GPC1: variants seen among roughly 807,000 people sequenced by gnomAD.
GPC1 encodes glypican 1.
GPC1 carries 26 observed loss-of-function variants against 51.5 expected under a neutral mutation model. That is an observed-to-expected ratio of 0.50 (90% CI 0.37 to 0.70). The LOEUF (loss-of-function observed/expected upper bound fraction) is 0.70, where lower values mean the gene tolerates loss of function less well. Ranked by LOEUF, GPC1 falls within the 30% of genes least tolerant of loss-of-function variation. The pLI is 0.00. For missense variants in GPC1, 775 were observed against 800.5 expected, an observed-to-expected ratio of 0.97 and a Z score of 0.38; for synonymous variants, 380 against 348.3, an observed-to-expected ratio of 1.09 and a Z score of -1.01.
Position 240,465,650 on chromosome 2 carries a change from T to G in GPC1, c.1444+2T>G. On this transcript the variant is annotated splice_donor_variant, in intron 8 of 8. Transcript: ENST00000264039. LOFTEE classifies it high-confidence loss of function. ...ACGACGTGGACTTCCAGGACGCCAG[T>G]GAGGGCAGGGCCTGGCCGGGCGGCC... 1 of 1,612,372 alleles carries G rather than the reference T, an allele frequency of 6.2e-7. No homozygotes were observed. Among genetic ancestry groups the G allele is most frequent in the Non-Finnish European group, 8.5e-7 (1 of 1,179,674 alleles).
rs923946217 is a variant in GPC1 at position 240,467,159 on chromosome 2, C to G, written c.*869C>G. On this transcript the variant is annotated 3_prime_UTR_variant, in exon 9 of 9. Coordinates refer to ENST00000264039, the MANE Select transcript of GPC1 (RefSeq NM_002081.3). Reference sequence around the variant, plus strand: ...AGGAGCAGCCAGGACCCGCCTGCTCCCATCCTCACCCAGATCAGGAACCAG... The same window carrying G: ...AGGAGCAGCCAGGACCCGCCTGCTCGCATCCTCACCCAGATCAGGAACCAG... 1 of 152,400 alleles carries G rather than the reference C, an allele frequency of 6.6e-6. No individual in the cohort carries two copies. The highest frequency in any genetic ancestry group is 2.4e-5 in the African/African-American group (1 of 41,586). 9.4% of individuals were successfully genotyped at this position (152,400 alleles called of 1,614,324 possible). A position where few individuals can be genotyped will look rare whatever the true frequency, so the allele number is the denominator to read the frequency against.
chr2:240,440,124 G>T (rs1180014301), intron 1 of GPC1, among the ~76,000 whole-genome samples: 1 of 152,276 alleles, frequency 6.6e-6, no homozygotes. Flanking sequence ...TGTGCACCTC[G>T]TGGGCAGCCT....
intron 8 of GPC1, 122 bp downstream of exon 8, chr2:240,465,770 G>C (rs1054928826): frequency 1.2e-6 from 1 of 811,520 alleles, no homozygotes; most frequent in Non-Finnish European, 2.0e-6. Context: ...ACCACAGTGA[G>C]TCTGAGGACG....
intron 4 of GPC1, 197 bp from the exon 5 acceptor site, chr2:240,464,416 CGTG>C (rs1299206204): frequency 3.2e-6 from 2 of 616,270 alleles, no homozygotes; most frequent in African/African-American, 1.8e-5. Flanking sequence ...CAGGTGCACA[CGTG>C]GGTGTGGGCC....
Position 240,462,439 on chromosome 2 carries a change from C to T in GPC1, c.574C>T (p.Leu192=). The T allele has an allele frequency of 6.2e-7, 1 of 1,606,404 alleles. No individual in the cohort carries two copies. Among genetic ancestry groups the T allele is most frequent in the Non-Finnish European group, 8.5e-7 (1 of 1,177,128 alleles). Residue 192 remains leucine (L), a synonymous_variant, in exon 3 of 9, where the codon CTG becomes TTG. Coordinates refer to ENST00000264039, the MANE Select transcript of GPC1 (RefSeq NM_002081.3). Reference sequence around the variant, plus strand: ...GCTGCCTGATGACTACCTGGACTGCCTGGGCAAGCAGGCCGAGGCGCTGCG... The same window carrying T: ...GCTGCCTGATGACTACCTGGACTGCTTGGGCAAGCAGGCCGAGGCGCTGCG... ...LLLPDDYLDC[L]GKQAEALRPF...
rs891462701 is a variant in GPC1, at chr2:240,452,931, C to G, written c.167-6099C>G. On this transcript the variant is annotated intron_variant, in intron 1 of 8. Transcript: ENST00000264039. ...TTTCGCCTCCTGCGAGCCCTTCCGC[C>G]CGGCCCCGCTCCGCCGCCTTTCCCC... 2.0e-4 allele frequency: 61 copies of G among 311,640 alleles called. No individual in the cohort carries two copies. In the Admixed American group the frequency reaches 2.0e-3, roughly 10 times the overall value. The allele number at this position is 311,640 out of a possible 1,614,324, so 19.3% of individuals were successfully genotyped here. A position where few individuals can be genotyped will look rare whatever the true frequency, so the allele number is the denominator to read the frequency against.
At chr2:240,436,497 G>C (rs959078558) in intron 1 of GPC1, among the ~76,000 whole-genome samples, 11 of 152,120 alleles carry the variant, frequency 7.2e-5, no homozygotes, top group Non-Finnish European at 1.5e-4. Flanking sequence ...TCGGGGCGCT[G>C]TGGGGCTCGG....
intron 1 of GPC1, among the ~76,000 whole-genome samples, chr2:240,446,112 G>A (rs2074048692): frequency 6.6e-6 from 1 of 152,250 alleles, no homozygotes; most frequent in Admixed American, 6.5e-5. Context: ...AGTCGCCCTC[G>A]CAGCAGAGAA....
intron 1 of GPC1, among the ~76,000 whole-genome samples, chr2:240,447,236 T>C (rs1053798711): frequency 5.9e-5 from 9 of 152,232 alleles, no homozygotes; most frequent in African/African-American, 1.9e-4. Flanking sequence ...ATGACCCCCA[T>C]GTTCGTTCCT....
In GPC1 at chr2:240,463,360, C is replaced by T. The variant is rs757226932; in HGVS notation, c.731C>T (p.Pro244Leu). 1.1e-5 allele frequency: 17 copies of T among 1,612,592 alleles called. No individual in the cohort carries two copies. Among genetic ancestry groups the T allele is most frequent in the South Asian group, 7.7e-5 (7 of 91,088 alleles). ...CTTGCTCCCCAGGTCCCCCTGGGCC[C>T]GGAGTGCTCGAGAGCTGTCATGAAG... ...VRKVAQVPLGPECSRAVMKLV... is the reference protein window; with the variant it reads ...VRKVAQVPLGLECSRAVMKLV... The change falls in exon 4 of 9, where the codon CCG becomes CTG. Residue 244 changes from proline (P) to leucine (L), a missense_variant. Transcript: ENST00000264039.
intron 1 of GPC1, chr2:240,451,339 T>C (rs1036525273): frequency 2.2e-6 from 1 of 448,202 alleles, no homozygotes; most frequent in African/African-American, 2.0e-5. Context: ...CCCCTGTGGG[T>C]GTAGCAGACA....
Position 240,467,157 on chromosome 2 carries a change from T to G in GPC1, c.*867T>G, listed in dbSNP as rs939410577. The G allele has an allele frequency of 3.9e-5, 6 of 152,236 alleles. No homozygotes were observed. The highest frequency in any genetic ancestry group is 1.4e-4 in the African/African-American group (6 of 41,452). The allele number at this position is 152,236 out of a possible 1,614,324, so 9.4% of individuals were successfully genotyped here. On this transcript the variant is annotated 3_prime_UTR_variant, in exon 9 of 9. Coordinates refer to ENST00000264039, the MANE Select transcript of GPC1 (RefSeq NM_002081.3). ...TGAGGAGCAGCCAGGACCCGCCTGC[T>G]CCCATCCTCACCCAGATCAGGAACC...
At chr2:240,452,414 T>A (rs1228125169) in intron 1 of GPC1, 1 of 152,222 alleles carries the variant, frequency 6.6e-6, no homozygotes, top group Admixed American at 6.6e-5. Flanking sequence ...CAGCTTTGCG[T>A]GAGGACAGCG....
intron 1 of GPC1, chr2:240,451,393 C>T (rs763509039): frequency 2.5e-6 from 1 of 400,018 alleles, no homozygotes; most frequent in South Asian, 1.9e-5. Context: ...GTGCCTGTGG[C>T]CCCTGCAGTG....
chr2:240,462,165 C>T (rs754825495), intron 2 of GPC1, 26 bp from the exon 3 acceptor site: 29 of 1,533,088 alleles, frequency 1.9e-5, no homozygotes, highest in Middle Eastern at 2.1e-4. Context: ...AACATGGTCC[C>T]GATCACGCCC....
chr2:240,449,905 T>G (rs1191835155), intron 1 of GPC1: 1 of 470,688 alleles, frequency 2.1e-6, no homozygotes, highest in East Asian at 6.9e-5. Context: ...GGATTAATCC[T>G]ATTCCATTGT....
Position 240,468,002 on chromosome 2 carries a change from T to TC in GPC1, c.*1718dup, listed in dbSNP as rs531161963. 221 of 152,208 alleles carry TC rather than the reference T, an allele frequency of 1.5e-3. No homozygotes were observed. The highest frequency in any genetic ancestry group is 3.4e-3 in the Middle Eastern group (1 of 294). 9.4% of individuals were successfully genotyped at this position (152,208 alleles called of 1,614,324 possible). ...CCTGCTGTGTCCTTCCTCCACAAGGTCCCCCCACCGCTCAGTGTCAGCGGG... is the reference window on the plus strand; with the variant it reads ...CCTGCTGTGTCCTTCCTCCACAAGGTCCCCCCCACCGCTCAGTGTCAGCGGG... On this transcript the variant is annotated 3_prime_UTR_variant, in exon 9 of 9. Transcript: ENST00000264039.
rs1340608186 is a variant in GPC1 at position 240,462,192 on chromosome 2, C to G, written c.327C>G (p.Asp109Glu). Residue 109 changes from aspartate (D) to glutamate (E), a missense_variant and splice_region_variant, in exon 3 of 9, where the codon GAC (aspartate) becomes GAG (glutamate). By Grantham distance (45) the Asp-to-Glu change is conservative. Coordinates refer to ENST00000264039, the MANE Select transcript of GPC1 (RefSeq NM_002081.3). ...MLATQLRSFD[D>E]HFQHLLNDSE... ...ATCACGCCCCCTCCCTGTGCGCAGA[C>G]CACTTCCAGCACCTGCTGAACGACT... 5.7e-6 allele frequency: 9 copies of G among 1,587,842 alleles called. No individual in the cohort carries two copies. The highest frequency in any genetic ancestry group is 6.0e-6 in the Non-Finnish European group (7 of 1,164,240).
Position 240,452,994 on chromosome 2 carries a change from G to A in GPC1, c.167-6036G>A, listed in dbSNP as rs1393495320. Reference sequence around the variant, plus strand: ...TGCACCCAGAGCCCGCGCGCCGCCCGGAGCCGCTGGAGCCGCCGCTGCGAA... The same window carrying A: ...TGCACCCAGAGCCCGCGCGCCGCCCAGAGCCGCTGGAGCCGCCGCTGCGAA... On this transcript the variant is annotated intron_variant, in intron 1 of 8. Coordinates refer to ENST00000264039, the MANE Select transcript of GPC1 (RefSeq NM_002081.3). 6.0e-5 allele frequency: 21 copies of A among 347,842 alleles called. No homozygotes were observed. In the Admixed American group the frequency reaches 7.8e-4, roughly 13 times the overall value. 21.5% of individuals were successfully genotyped at this position (347,842 alleles called of 1,614,324 possible).
Sources: gnomAD v4.1 joint callset for allele counts (sites outside exome capture counted in the v4.1 genomes callset) on GRCh38, gnomAD v4.1.1 for gene constraint, MANE v1.5 for transcripts, NCBI Gene and HGNC (gene_info 2026-07-23, HGNC 2026-07-21) for gene names.